ZFAND3: variants seen among roughly 807,000 people sequenced by gnomAD.
The protein encoded by ZFAND3 is zinc finger AN1-type containing 3.
A neutral mutation model predicts 29.6 loss-of-function variants in ZFAND3; 10 were observed. The observed-to-expected ratio is 0.34, with a 90% CI of 0.21 to 0.57. The LOEUF (loss-of-function observed/expected upper bound fraction) is 0.57. Ranked by LOEUF, ZFAND3 falls within the 20% of genes least tolerant of loss-of-function variation. ZFAND3 has a pLI of 0.86. For missense variants in ZFAND3, 230 were observed against 304.5 expected (o/e 0.76, Z 1.82); for synonymous variants, 128 against 112.6 (o/e 1.14, Z -0.87).
chr6:37,999,801 A>C (rs1762912861), intron 2 of ZFAND3, among the ~76,000 whole-genome samples: 1 of 152,216 alleles, frequency 6.6e-6, no homozygotes, highest in South Asian at 2.1e-4. Flanking sequence ...AAAGAACATC[A>C]GGTAAAAACT....
At chr6:37,947,451 G>A (rs752085964) in intron 2 of ZFAND3, among the ~76,000 whole-genome samples, 2 of 152,054 alleles carry the variant, frequency 1.3e-5, no homozygotes, top group Non-Finnish European at 2.9e-5. Context: ...TTGTCAAATT[G>A]GGGGTTACTA....
At chr6:37,935,440 G>A (rs1761680770) in intron 2 of ZFAND3, among the ~76,000 whole-genome samples, 1 of 152,098 alleles carries the variant, frequency 6.6e-6, no homozygotes, top group African/African-American at 2.4e-5. Context: ...AAAATTTTAT[G>A]ACATAGTTAT....
At chr6:38,068,734 A>C (rs2127466186) in intron 3 of ZFAND3, among the ~76,000 whole-genome samples, 1 of 152,266 alleles carries the variant, frequency 6.6e-6, no homozygotes, top group South Asian at 2.1e-4. Context: ...TATACAGAAA[A>C]AGTGAGAACC....
chr6:37,862,404 G>T (rs1764509026), intron 1 of ZFAND3, among the ~76,000 whole-genome samples: 1 of 151,766 alleles, frequency 6.6e-6, no homozygotes, highest in Non-Finnish European at 1.5e-5. Flanking sequence ...TCTGCTGCAG[G>T]GGCTGAGCAC....
At chr6:38,068,932 A>G (rs1398449467) in intron 3 of ZFAND3, among the ~76,000 whole-genome samples, 1 of 152,162 alleles carries the variant, frequency 6.6e-6, no homozygotes, top group Non-Finnish European at 1.5e-5. Flanking sequence ...TTCTGGTGAT[A>G]TCGTAGCTCC....
intron 5 of ZFAND3, among the ~76,000 whole-genome samples, chr6:38,147,532 T>C (rs1185102792): frequency 6.6e-6 from 1 of 152,266 alleles, no homozygotes; most frequent in Non-Finnish European, 1.5e-5. Context: ...GATCAAATGA[T>C]AATTCTTAGT....
At chr6:37,860,429 C>T (rs1581715186) in intron 1 of ZFAND3, among the ~76,000 whole-genome samples, 1 of 152,000 alleles carries the variant, frequency 6.6e-6, no homozygotes, top group South Asian at 2.1e-4. Context: ...TTGCACTCCC[C>T]CTGCTGGCTG....
intron 1 of ZFAND3, among the ~76,000 whole-genome samples, chr6:37,911,639 A>T (rs1036730095): frequency 6.6e-6 from 1 of 152,198 alleles, no homozygotes. Context: ...CATAGATTTT[A>T]TAGAAATAAT....
intron 1 of ZFAND3, among the ~76,000 whole-genome samples, chr6:37,871,627 A>G (rs1255840465): frequency 6.6e-6 from 1 of 152,236 alleles, no homozygotes; most frequent in Non-Finnish European, 1.5e-5. Flanking sequence ...GTTATTTAAG[A>G]TACTAACATT....
intron 4 of ZFAND3, among the ~76,000 whole-genome samples, chr6:38,110,468 A>G (rs1417649460): frequency 6.6e-6 from 1 of 151,556 alleles, no homozygotes; most frequent in Non-Finnish European, 1.5e-5. Context: ...AGTCTCTTTT[A>G]TCAGTTTTTC....
chr6:37,845,147 G>C (rs1221529389), intron 1 of ZFAND3, among the ~76,000 whole-genome samples: 2 of 152,098 alleles, frequency 1.3e-5, no homozygotes, highest in Non-Finnish European at 2.9e-5. Context: ...AGATTCAAGA[G>C]AAGGAGAACT....
At chr6:38,112,515 G>A (rs1765339453) in intron 4 of ZFAND3, among the ~76,000 whole-genome samples, 1 of 152,236 alleles carries the variant, frequency 6.6e-6, no homozygotes, top group Non-Finnish European at 1.5e-5. Flanking sequence ...CCCAAGTTCA[G>A]AGTATGTAAG....
chr6:37,908,640 T>A (rs1451337344), intron 1 of ZFAND3, among the ~76,000 whole-genome samples: 1 of 151,224 alleles, frequency 6.6e-6, no homozygotes, highest in African/African-American at 2.4e-5. Flanking sequence ...TCAGGAAGGC[T>A]TGGAAGCTCC....
intron 1 of ZFAND3, among the ~76,000 whole-genome samples, chr6:37,896,064 A>C (rs2127398690): frequency 6.6e-6 from 1 of 152,332 alleles, no homozygotes; most frequent in African/African-American, 2.4e-5. Flanking sequence ...GTAGATTTAC[A>C]GATGTCATCA....
At chr6:37,928,048 T>A (rs1335901234) in intron 1 of ZFAND3, among the ~76,000 whole-genome samples, 1 of 152,242 alleles carries the variant, frequency 6.6e-6, no homozygotes, top group Non-Finnish European at 1.5e-5. Flanking sequence ...TTTATCTTTT[T>A]ACTCATCTTA....
intron 2 of ZFAND3, among the ~76,000 whole-genome samples, chr6:37,955,795 C>T (rs1220582068): frequency 7.2e-5 from 11 of 152,130 alleles, no homozygotes; most frequent in African/African-American, 2.4e-5. Context: ...CCCAGATCAG[C>T]GCAGTAGTAT....
At chr6:38,017,311 A>G (rs1009114222) in intron 2 of ZFAND3, among the ~76,000 whole-genome samples, 9 of 152,202 alleles carry the variant, frequency 5.9e-5, no homozygotes, top group African/African-American at 2.2e-4. Flanking sequence ...AGCACAGGAG[A>G]AGGAACCCAT....
At chr6:38,085,279 A>C (rs1357194944) in intron 4 of ZFAND3, among the ~76,000 whole-genome samples, 1 of 152,224 alleles carries the variant, frequency 6.6e-6, no homozygotes, top group Non-Finnish European at 1.5e-5. Context: ...TCAGTAAATA[A>C]TTACTTTACA....
At chr6:37,956,667 T>C (rs149234349) in intron 2 of ZFAND3, among the ~76,000 whole-genome samples, 1 of 152,328 alleles carries the variant, frequency 6.6e-6, no homozygotes, top group African/African-American at 2.4e-5. Context: ...CACGGAACTT[T>C]GAAAACTGAT....
Sources: gnomAD v4.1 joint callset for allele counts (sites outside exome capture counted in the v4.1 genomes callset) on GRCh38, gnomAD v4.1.1 for gene constraint, MANE v1.5 for transcripts, NCBI Gene and HGNC (gene_info 2026-07-23, HGNC 2026-07-21) for gene names.